The following EHMT2 variants were observed in gnomAD, a reference collection of about 807,000 sequenced individuals.
EHMT2 encodes histone-lysine N-methyltransferase EHMT2.
Under a neutral mutation model 143.3 loss-of-function variants are expected in EHMT2, and 59 were observed. That is an observed-to-expected ratio of 0.41 (90% CI 0.33 to 0.51). The LOEUF is 0.51. Among genes scored for constraint, EHMT2 ranks in the 20% least tolerant of loss-of-function variants. The probability of loss-of-function intolerance (pLI) is 0.18; values close to 1 mark genes in which losing one functional copy is unlikely to be tolerated. For missense variants in EHMT2, 1,174 were observed against 1,645.9 expected, an observed-to-expected ratio of 0.71 and a Z score of 4.96; for synonymous variants, 604 against 651.5, an observed-to-expected ratio of 0.93 and a Z score of 1.11.
rs774034304 is a variant in EHMT2, at chr6:31,881,848, A to G, written c.3198-756T>C. ...GTCAGGCACGGTGGCTCACGCCTGT[A>G]ATCCCAGCACTTTGGGAGGCCGAGG... On this transcript the variant is annotated intron_variant, in intron 25 of 27. Transcript: ENST00000375537. This position sits in a 1 kb window ranked among gnomAD's most constrained non-coding sequence, Gnocchi z 4.8. Among the ~76,000 whole-genome samples, 12 of 152,232 alleles carry G rather than the reference A, an allele frequency of 7.9e-5. No homozygotes were observed. Among genetic ancestry groups the G allele is most frequent in the Non-Finnish European group, 1.6e-4 (11 of 68,054 alleles).
At chr6:31,887,198 C>A in intron 15 of EHMT2, 97 bp from the exon 16 acceptor site, 1 of 1,035,532 alleles carries the variant, frequency 9.7e-7, no homozygotes, top group East Asian at 2.5e-5. Flanking sequence ...TCTCAGGGCC[C>A]CAAGCTGGAT....
In EHMT2 at chr6:31,884,401, ATCT is replaced by A; in HGVS notation, c.2759_2761del (p.Lys920del). The A allele has an allele frequency of 1.9e-6, 3 of 1,611,844 alleles. No individual in the cohort carries two copies. The highest frequency in any genetic ancestry group is 2.5e-6 in the Non-Finnish European group (3 of 1,179,780). ...GGGGCCCAGGGCTCACCGGCAGATG[ATCT>A]TCTCTGTGCGGATGGCCCGATTTCC... On this transcript the variant is annotated inframe_deletion, in exon 21 of 28. Transcript: ENST00000375537. This position sits in a 1 kb window ranked among gnomAD's most constrained non-coding sequence, Gnocchi z 7.3.
At chr6:31,890,266 C>CTTAT (rs1765512221) in intron 7 of EHMT2, among the ~76,000 whole-genome samples, 1 of 151,914 alleles carries the variant, frequency 6.6e-6, no homozygotes, top group Non-Finnish European at 1.5e-5. Context: ...AAAAATCTTT[C>CTTAT]TTATTTATTT....
Position 31,885,154 on chromosome 6 carries a change from C to T in EHMT2, c.2344-138G>A, listed in dbSNP as rs1764664490. ...GGACCCTGGGTAAGTCACTTAACGT[C>T]TCTGGGTCGCAGTTTCTTCATCTAA... On this transcript the variant is annotated intron_variant, in intron 18 of 27. Coordinates refer to ENST00000375537, the Ensembl canonical transcript of EHMT2. The T allele has an allele frequency of 3.4e-6, 4 of 1,191,070 alleles. No individual in the cohort carries two copies. The East Asian group carries it at 8.1e-5, about 24-fold the overall frequency. 73.8% of individuals were successfully genotyped at this position (1,191,070 alleles called of 1,614,324 possible).
At chr6:31,892,663 G>A (rs1005179982) in intron 6 of EHMT2, 31 bp downstream of exon 6, 16 of 1,613,044 alleles carry the variant, frequency 9.9e-6, no homozygotes, top group East Asian at 2.2e-5. Flanking sequence ...AGCAGCCCCC[G>A]AGGGGTAGAG....
chr6:31,884,233 A>G lies in EHMT2; in HGVS notation c.2771+159T>C. On this transcript the variant is annotated intron_variant, in intron 21 of 27. Transcript: ENST00000375537. The surrounding 1 kb of genome is among the most constrained non-coding windows in gnomAD (Gnocchi z 7.3). ...GGTGTCTTCTATTTTTATTTGCTGT[A>G]TCTGGCAACCCTAGTGGGGAGGGGG... 2.3e-6 allele frequency: 2 copies of G among 852,314 alleles called. No individual in the cohort carries two copies. The highest frequency in any genetic ancestry group is 1.8e-5 in the South Asian group (1 of 54,530). The allele number at this position is 852,314 out of a possible 1,614,324, so 52.8% of individuals were successfully genotyped here. A position where few individuals can be genotyped will look rare whatever the true frequency, so the allele number is the denominator to read the frequency against.
Position 31,888,125 on chromosome 6 carries a change from A to T in EHMT2, c.1661T>A (p.Val554Glu). 1 of 1,612,138 alleles carries T rather than the reference A, an allele frequency of 6.2e-7. No homozygotes were observed. Among genetic ancestry groups the T allele is most frequent in the Non-Finnish European group, 8.5e-7 (1 of 1,179,720 alleles). Reference sequence around the variant, plus strand: ...AGCTGCAGTGCCGGCCGGTGGGGTCACCCCGTCACCCCGGGGGATGGTCAC... The same window carrying T: ...AGCTGCAGTGCCGGCCGGTGGGGTCTCCCCGTCACCCCGGGGGATGGTCAC... Residue 554 changes from valine (V) to glutamate (E), a missense_variant, in exon 13 of 28, where the codon GTG (valine) becomes GAG (glutamate). This residue lies in a region of EHMT2 where 608 missense variants were observed against 903.7 expected (regional missense o/e 0.67). Transcript: ENST00000375537. This position sits in a 1 kb window ranked among gnomAD's most constrained non-coding sequence, Gnocchi z 7.4.
intron 17 of EHMT2, 40 bp downstream of exon 17, chr6:31,886,735 C>G: frequency 6.2e-7 from 1 of 1,613,874 alleles, no homozygotes; most frequent in Non-Finnish European, 8.5e-7. Context: ...AAACCTGGTC[C>G]CTGACTCCGG....
chr6:31,888,525 G>A lies in EHMT2; in HGVS notation c.1366-19C>T, dbSNP rs941203851. On this transcript the variant is annotated intron_variant, in intron 11 of 27. Transcript: ENST00000375537. This position sits in a 1 kb window ranked among gnomAD's most constrained non-coding sequence, Gnocchi z 7.4. Reference sequence around the variant, plus strand: ...CTGACAGCTGTGCGCAGTGAGGATGGGTGAGAAGAGAGCGTGAGGCTGGGG... The same window carrying A: ...CTGACAGCTGTGCGCAGTGAGGATGAGTGAGAAGAGAGCGTGAGGCTGGGG... 5 of 1,611,014 alleles carry A rather than the reference G, an allele frequency of 3.1e-6. No individual in the cohort carries two copies. The African/African-American group carries it at 6.7e-5, about 22-fold the overall frequency.
rs779951097 is a variant in EHMT2, at chr6:31,889,569, C to T, written c.898G>A (p.Glu300Lys). Reference sequence around the variant, plus strand: ...TCCTCCTCTTCCTCCTCCTCCTCTTCACTTAGTTGTTCAGTTAGAGCTTCA... The same window carrying T: ...TCCTCCTCTTCCTCCTCCTCCTCTTTACTTAGTTGTTCAGTTAGAGCTTCA... The change falls in exon 8 of 28, where the codon GAA becomes AAA. Residue 300 changes from glutamate to lysine, a missense_variant. Glu to Lys is a moderately conservative substitution (Grantham distance 56). Coordinates refer to ENST00000375537, the Ensembl canonical transcript of EHMT2. This position sits in a 1 kb window ranked among gnomAD's most constrained non-coding sequence, Gnocchi z 5.1. 1 of 1,611,616 alleles carries T rather than the reference C, an allele frequency of 6.2e-7. No homozygotes were observed. The highest frequency in any genetic ancestry group is 8.5e-7 in the Non-Finnish European group (1 of 1,179,978).
chr6:31,888,156 G>C lies in EHMT2; in HGVS notation c.1630C>G (p.Gln544Glu). 1 of 1,612,748 alleles carries C rather than the reference G, an allele frequency of 6.2e-7. No homozygotes were observed. The highest frequency in any genetic ancestry group is 8.5e-7 in the Non-Finnish European group (1 of 1,179,920). ...TCACCCCGGGGGATGGTCACCTCTTGAGCTTCAGAAGCATCCTCCCCACAG... is the reference window on the plus strand; with the variant it reads ...TCACCCCGGGGGATGGTCACCTCTTCAGCTTCAGAAGCATCCTCCCCACAG... The change falls in exon 13 of 28, where the codon CAA becomes GAA. Residue 544 changes from glutamine (Q) to glutamate (E), a missense_variant. Physicochemically the swap from Gln to Glu is conservative, Grantham distance 29 (BLOSUM62 2). This residue lies in a region of EHMT2 where 608 missense variants were observed against 903.7 expected (regional missense o/e 0.67). Coordinates refer to ENST00000375537, the Ensembl canonical transcript of EHMT2. This position sits in a 1 kb window ranked among gnomAD's most constrained non-coding sequence, Gnocchi z 7.4.
chr6:31,889,512 C>T lies in EHMT2; in HGVS notation c.955G>A (p.Glu319Lys), dbSNP rs1488046553. 2.5e-6 allele frequency: 4 copies of T among 1,612,434 alleles called. No homozygotes were observed. The highest frequency in any genetic ancestry group is 4.5e-5 in the East Asian group (2 of 44,880). ...GACTCCTCATCTTCCTCTTCTTCTT[C>T]CTCTTCCTCCTCCTCTTCCTCTTCT... Residue 319 changes from glutamate (E) to lysine (K), a missense_variant, in exon 8 of 28, where the codon GAA (glutamate) becomes AAA (lysine). This residue lies in a region of EHMT2 where 399 missense variants were observed against 404.4 expected (regional missense o/e 0.99). Coordinates refer to ENST00000375537, the Ensembl canonical transcript of EHMT2. This position sits in a 1 kb window ranked among gnomAD's most constrained non-coding sequence, Gnocchi z 5.1.
Position 31,883,107 on chromosome 6 carries a change from T to A in EHMT2, c.2995-98A>T, listed in dbSNP as rs562121877. ...CTCTACAGAGACAGGGAAGTTGGGG[T>A]TGGGGAGGTCACACAGGCTCTGAGA... On this transcript the variant is annotated intron_variant, in intron 23 of 27. Coordinates refer to ENST00000375537, the Ensembl canonical transcript of EHMT2. This position sits in a 1 kb window ranked among gnomAD's most constrained non-coding sequence, Gnocchi z 5.6. The A allele has an allele frequency of 1.7e-6, 2 of 1,154,638 alleles. No homozygotes were observed. Among genetic ancestry groups the A allele is most frequent in the African/African-American group, 3.1e-5 (2 of 65,248 alleles). 71.5% of individuals were successfully genotyped at this position (1,154,638 alleles called of 1,614,324 possible).
chr6:31,895,432 C>G (rs563609951), intron 4 of EHMT2: 40 of 151,758 alleles, frequency 2.6e-4, no homozygotes, highest in African/African-American at 9.4e-4. Flanking sequence ...CTAACTCCTA[C>G]GCAGTGTGCC....
intron 4 of EHMT2, among the ~76,000 whole-genome samples, chr6:31,894,976 ATTG>A (rs1191488713): frequency 6.6e-6 from 1 of 152,206 alleles, no homozygotes; most frequent in Non-Finnish European, 1.5e-5. Context: ...TTATGTTATT[ATTG>A]TTGTTAATCT....
Position 31,885,388 on chromosome 6 carries a change from T to G in EHMT2, c.2344-372A>C, listed in dbSNP as rs189952157. ...AGCTACTAGGGAGGCTGAGGCAGAA[T>G]GGCGTGAACCCGGGAGGCGGAGCTT... is the stretch of plus-strand genomic sequence containing the variant. On this transcript the variant is annotated intron_variant, in intron 18 of 27. Coordinates refer to ENST00000375537, the Ensembl canonical transcript of EHMT2. The G allele has an allele frequency of 7.6e-3, 1,319 of 173,514 alleles. 15 individuals carry two copies. Among genetic ancestry groups the G allele is most frequent in the Middle Eastern group, 0.016 (6 of 368 alleles). The allele number at this position is 173,514 out of a possible 1,614,324, so 10.7% of individuals were successfully genotyped here.
In EHMT2 at chr6:31,888,245, C is replaced by A. The variant is rs371095878; in HGVS notation, c.1541G>T (p.Arg514Leu). The A allele has an allele frequency of 3.7e-6, 6 of 1,612,938 alleles. No individual in the cohort carries two copies. In the South Asian group the frequency reaches 5.5e-5, roughly 15 times the overall value. Reference sequence around the variant, plus strand: ...GGCCTTGTGGAAGCGGTGGGCCACACGGAAGTCAGGGTGGCACTCCAGGAA... The same window carrying A: ...GGCCTTGTGGAAGCGGTGGGCCACAAGGAAGTCAGGGTGGCACTCCAGGAA... The change falls in exon 13 of 28, where the codon CGT (arginine) becomes CTT (leucine). Residue 514 changes from arginine to leucine, a missense_variant. Physicochemically the swap from Arg to Leu is moderately radical, Grantham distance 102. Coordinates refer to ENST00000375537, the Ensembl canonical transcript of EHMT2. This position sits in a 1 kb window ranked among gnomAD's most constrained non-coding sequence, Gnocchi z 7.4.
chr6:31,894,694 C>T (rs1766137717), intron 4 of EHMT2, among the ~76,000 whole-genome samples: 1 of 152,184 alleles, frequency 6.6e-6, no homozygotes, highest in Non-Finnish European at 1.5e-5. Flanking sequence ...TTGAGTCTCG[C>T]TCTGTTGCCC....
chr6:31,883,904 C>G lies in EHMT2; in HGVS notation c.2818G>C (p.Gly940Arg). The change falls in exon 22 of 28, where the codon GGT becomes CGT. Residue 940 changes from glycine to arginine, a missense_variant. Gly to Arg is a moderately radical substitution (Grantham distance 125). Around this residue, in one of 6 missense-constraint regions of EHMT2, gnomAD observed 608 missense variants for 903.7 expected, o/e 0.67. Coordinates refer to ENST00000375537, the Ensembl canonical transcript of EHMT2. This position sits in a 1 kb window ranked among gnomAD's most constrained non-coding sequence, Gnocchi z 5.6. ...TCAGGGCAGGGCTCCCCATCCACAC[C>G]GTTGACACAGGGAATGGGCACGTTC... 6.2e-7 allele frequency: 1 copy of G among 1,613,926 alleles called. No individual in the cohort carries two copies.
Sources: gnomAD v4.1 joint callset for allele counts (sites outside exome capture counted in the v4.1 genomes callset) on GRCh38, gnomAD v4.1.1 for gene constraint, gnomAD v4.1.1 regional missense constraint, Gnocchi (gnomAD v3.1) non-coding constraint, MANE v1.5 for transcripts, NCBI Gene and HGNC (gene_info 2026-07-23, HGNC 2026-07-21) for gene names.